FRRS1: variants seen among roughly 807,000 people sequenced by gnomAD.
FRRS1 encodes ferric reductase 1.
FRRS1 carries 51 observed loss-of-function variants against 70.7 expected under a neutral mutation model. The observed-to-expected ratio is 0.72, with a 90% CI of 0.58 to 0.91. The LOEUF is 0.91. Ranked by LOEUF, FRRS1 falls within the 40% of genes least tolerant of loss-of-function variation. The pLI is 0.00. For synonymous variants in FRRS1, 225 were observed against 238.7 expected (o/e 0.94, Z 0.53); for missense variants, 672 against 726.0 (o/e 0.93, Z 0.86).
intron 4 of FRRS1, among the ~76,000 whole-genome samples, chr1:99,744,213 G>A (rs10875250): frequency 0.49 from 75,170 of 152,030 alleles, 22,599 homozygotes; most frequent in African/African-American, 0.85. Flanking sequence ...AAGAATTGCT[G>A]TAAGAAAGGG....
Position 99,710,817 on chromosome 1 carries a change from AG to A in FRRS1, c.1612del (p.Leu538SerfsTer99). The stretch of plus-strand genomic sequence containing the variant: ...TTTTACCAGGTTACCTTTGCGAGAG[AG>A]CCGATAAGCATGTACCTCCAGAACA... ...EVVLEVHAYR[L>X]SRKVEILDDD... On this transcript the variant is annotated frameshift_variant, in exon 15 of 17. Transcript: ENST00000646001. LOFTEE classifies it high-confidence loss of function. 2 of 1,613,854 alleles carry A rather than the reference AG, an allele frequency of 1.2e-6. No homozygotes were observed. The highest frequency in any genetic ancestry group is 1.7e-6 in the Non-Finnish European group (2 of 1,179,892).
chr1:99,750,670 C>A (rs1656526643), intron 1 of FRRS1, among the ~76,000 whole-genome samples: 2 of 109,462 alleles, frequency 1.8e-5, no homozygotes, highest in Non-Finnish European at 3.3e-5. Context: ...AAATATCAAA[C>A]TGAAAAGAAA....
chr1:99,707,677 C>T lies in FRRS1; in HGVS notation c.*1351G>A, dbSNP rs1030121362. 3.3e-5 allele frequency among the ~76,000 whole-genome samples: 5 copies of T among 152,098 alleles called. No homozygotes were observed. The highest frequency in any genetic ancestry group is 7.4e-5 in the Non-Finnish European group (5 of 68,012). ...GCCATCCGGTAATGTTACCTAAATA[C>T]TAGAAAGGAATCAGCACAAGGAAAC... On this transcript the variant is annotated 3_prime_UTR_variant, in exon 17 of 17. Transcript: ENST00000646001.
At chr1:99,709,927 C>A (rs188895476) in intron 15 of FRRS1, among the ~76,000 whole-genome samples, 2 of 152,138 alleles carry the variant, frequency 1.3e-5, no homozygotes, top group East Asian at 3.9e-4. Flanking sequence ...ATGATCACAC[C>A]ACTGCACTCC....
intron 1 of FRRS1, among the ~76,000 whole-genome samples, chr1:99,755,077 T>A (rs2788511): frequency 0.5 from 75,034 of 151,538 alleles, 22,565 homozygotes; most frequent in African/African-American, 0.85. Flanking sequence ...ATGGAGAAAA[T>A]AATAATAATA....
intron 9 of FRRS1, among the ~76,000 whole-genome samples, chr1:99,726,013 T>C (rs918506985): frequency 1.3e-5 from 2 of 152,240 alleles, no homozygotes; most frequent in Non-Finnish European, 2.9e-5. Flanking sequence ...AGTTTGGGTC[T>C]GTGCTCCCAC....
chr1:99,715,652 G>A lies in FRRS1; in HGVS notation c.1257C>T (p.Phe419=), dbSNP rs752884493. Residue 419 remains phenylalanine (F), a synonymous_variant, in exon 12 of 17, where the codon TTC becomes TTT. Transcript: ENST00000646001. ...AWFQVHRMLM[F]TTTVLTCIAF... Reference sequence around the variant, plus strand: ...CAATGCAGGTGAGGACAGTTGTGGTGAACATGAGCATCCGATGCACCTGCA... The same window carrying A: ...CAATGCAGGTGAGGACAGTTGTGGTAAACATGAGCATCCGATGCACCTGCA... The A allele has an allele frequency of 2.0e-5, 32 of 1,612,772 alleles. No individual in the cohort carries two copies. The highest frequency in any genetic ancestry group is 2.5e-5 in the Non-Finnish European group (30 of 1,178,976).
Position 99,716,846 on chromosome 1 carries a change from C to A in FRRS1, c.1236+564G>T, listed in dbSNP as rs187675065. On this transcript the variant is annotated intron_variant, in intron 11 of 16. Transcript: ENST00000646001. ...ATACTCATTGGCTCTTGCTATATTCCTTTTAGTAGACTACCTCCCCATCTC... is the reference window on the plus strand; with the variant it reads ...ATACTCATTGGCTCTTGCTATATTCATTTTAGTAGACTACCTCCCCATCTC... Among the ~76,000 whole-genome samples, 187 of 152,200 alleles carry A rather than the reference C, an allele frequency of 1.2e-3. 2 individuals carry two copies. Among genetic ancestry groups the A allele is most frequent in the Non-Finnish European group, 2.2e-4 (15 of 68,004 alleles).
intron 1 of FRRS1, among the ~76,000 whole-genome samples, chr1:99,758,473 A>C (rs1251711829): frequency 6.6e-6 from 1 of 152,336 alleles, no homozygotes; most frequent in East Asian, 1.9e-4. Context: ...GGCATTTATC[A>C]GTTCCCAAAT....
At position 99,744,064 on chromosome 1, in the gene FRRS1, T is replaced by TA. The variant is rs112254806; in HGVS notation, c.334-1792dup. ...AATGAATCCAGTATAAGAACGATTG[T>TA]AAAAAAAAAAAAAAGAAAGAAAAGA... On this transcript the variant is annotated intron_variant, in intron 4 of 16. Transcript: ENST00000646001. 3.4e-3 allele frequency among the ~76,000 whole-genome samples: 428 copies of TA among 124,350 alleles called. 1 individual carries two copies. The highest frequency in any genetic ancestry group is 8.4e-3 in the Admixed American group (105 of 12,566). The allele number at this position is 124,350 out of a possible 152,430, so 81.6% of individuals were successfully genotyped here.
Position 99,704,778 on chromosome 1 carries a change from G to T in FRRS1, c.*4250C>A, listed in dbSNP as rs1653987929. Among the ~76,000 whole-genome samples the T allele has an allele frequency of 6.6e-6, 1 of 152,048 alleles. No homozygotes were observed. Among genetic ancestry groups the T allele is most frequent in the African/African-American group, 2.4e-5 (1 of 41,400 alleles). On this transcript the variant is annotated 3_prime_UTR_variant, in exon 17 of 17. Coordinates refer to ENST00000646001, the MANE Select transcript of FRRS1 (RefSeq NM_001361041.2). Reference sequence around the variant, plus strand: ...AGCACACGACAGATCCCAGCATGCCGACAGGCCACGACTGGCGGAAGGAGG... The same window carrying T: ...AGCACACGACAGATCCCAGCATGCCTACAGGCCACGACTGGCGGAAGGAGG...
intron 15 of FRRS1, among the ~76,000 whole-genome samples, chr1:99,709,601 A>C (rs1654178514): frequency 6.6e-6 from 1 of 152,232 alleles, no homozygotes; most frequent in Admixed American, 6.5e-5. Context: ...ATATGCATAC[A>C]TTATAAAATA....
At chr1:99,737,775 C>A (rs1010705720) in intron 7 of FRRS1, among the ~76,000 whole-genome samples, 1 of 152,146 alleles carries the variant, frequency 6.6e-6, no homozygotes. Flanking sequence ...TGGAGTCTCA[C>A]TCTGTCGCCC....
Position 99,708,945 on chromosome 1 carries a change from C to A in FRRS1, c.*83G>T. On this transcript the variant is annotated 3_prime_UTR_variant, in exon 17 of 17. Coordinates refer to ENST00000646001, the MANE Select transcript of FRRS1 (RefSeq NM_001361041.2). ...CCAAGTGAGAATTCACAAATATGCT[C>A]CAGGCAGTCAGGACAGGCTTCAAGT... 6.2e-7 allele frequency: 1 copy of A among 1,613,870 alleles called. No individual in the cohort carries two copies. The highest frequency in any genetic ancestry group is 8.5e-7 in the Non-Finnish European group (1 of 1,179,958).
intron 1 of FRRS1, among the ~76,000 whole-genome samples, chr1:99,758,538 A>G (rs1571159291): frequency 6.6e-6 from 1 of 152,224 alleles, no homozygotes; most frequent in Non-Finnish European, 1.5e-5. Flanking sequence ...TGTTAGCTTC[A>G]TAAGCTGAGG....
intron 1 of FRRS1, among the ~76,000 whole-genome samples, chr1:99,755,777 A>G (rs1270478125): frequency 6.6e-6 from 1 of 152,182 alleles, no homozygotes; most frequent in Non-Finnish European, 1.5e-5. Context: ...CAAAGTGGAA[A>G]AGCATATTGG....
chr1:99,758,166 G>A (rs1656935607), intron 1 of FRRS1, among the ~76,000 whole-genome samples: 1 of 152,216 alleles, frequency 6.6e-6, no homozygotes, highest in South Asian at 2.1e-4. Context: ...ATAAGATAAG[G>A]TGAACATACA....
rs889745917 is a variant in FRRS1, at chr1:99,705,359, A to G, written c.*3669T>C. 9.2e-5 allele frequency among the ~76,000 whole-genome samples: 14 copies of G among 152,370 alleles called. No homozygotes were observed. The highest frequency in any genetic ancestry group is 3.4e-4 in the African/African-American group (14 of 41,594). ...GGGGCTGCACAAGGAAGAAAGAAGCAGGATGTGGATAGGAACTGTGAATAT... is the reference window on the plus strand; with the variant it reads ...GGGGCTGCACAAGGAAGAAAGAAGCGGGATGTGGATAGGAACTGTGAATAT... On this transcript the variant is annotated 3_prime_UTR_variant, in exon 17 of 17. Transcript: ENST00000646001.
chr1:99,734,452 G>C (rs565787103), intron 7 of FRRS1, among the ~76,000 whole-genome samples: 9 of 152,186 alleles, frequency 5.9e-5, no homozygotes, highest in Admixed American at 5.9e-4. Flanking sequence ...AATCAACTTA[G>C]GTAGATAGAA....
Sources: allele counts gnomAD v4.1 joint callset (sites outside exome capture counted in the v4.1 genomes callset), GRCh38; gene constraint gnomAD v4.1.1; transcripts MANE v1.5; gene names NCBI Gene and HGNC (gene_info 2026-07-23, HGNC 2026-07-21).